Variants in ATP8B3 observed in about 807,000 individuals in gnomAD.
ATP8B3 encodes the protein ATPase phospholipid transporting 8B3.
Under a neutral mutation model 140.9 loss-of-function variants are expected in ATP8B3, and 141 were observed. That is an observed-to-expected ratio of 1.00 (90% CI 0.87 to 1.15). The LOEUF (loss-of-function observed/expected upper bound fraction) is 1.15, where lower values mean the gene tolerates loss of function less well. Ranked by LOEUF, ATP8B3 falls within the 50% of genes most tolerant of loss-of-function variation. The probability of loss-of-function intolerance (pLI) is 0.00; values close to 1 mark genes in which losing one functional copy is unlikely to be tolerated. For missense variants in ATP8B3, 1,874 were observed against 1,740.6 expected (o/e 1.08, Z -1.36); for synonymous variants, 765 against 714.6 (o/e 1.07, Z -1.13).
chr19:1,796,013 C>T (rs2068659349), intron 17 of ATP8B3, 26 bp from the exon 18 acceptor site: 4 of 1,612,450 alleles, frequency 2.5e-6, no homozygotes, highest in Non-Finnish European at 3.4e-6. Context: ...CCCTGCTGCC[C>T]ACAGAGGCTC....
rs377355473 is a variant in ATP8B3, at chr19:1,802,537, C to T, written c.1013G>A (p.Gly338Asp). The T allele has an allele frequency of 5.3e-5, 86 of 1,609,190 alleles. No homozygotes were observed. The highest frequency in any genetic ancestry group is 5.1e-5 in the Non-Finnish European group (60 of 1,179,144). ...GGTGTCTGTGTTGCGAATCCTGCAG[C>T]CTCGGAGGAGGAGGTTGCCAATGTC... ...SLDIGNLLLR[G>D]CRIRNTDTCY... Residue 338 changes from glycine to aspartate, a missense_variant, in exon 11 of 29, where the codon GGC (glycine) becomes GAC (aspartate). Transcript: ENST00000310127.
chr19:1,782,205 G>T lies in ATP8B3; in HGVS notation c.*823C>A. The T allele has an allele frequency of 3.7e-6, 1 of 272,624 alleles. No homozygotes were observed. The allele number at this position is 272,624 out of a possible 1,614,324, so 16.9% of individuals were successfully genotyped here. On this transcript the variant is annotated 3_prime_UTR_variant, in exon 29 of 29. Transcript: ENST00000310127. ...ACTGGCTGGAGCTTCTTCTTCCCAG[G>T]AAGGACATCTTCCTGATATGCCAGC...
chr19:1,796,752 C>T lies in ATP8B3; in HGVS notation c.1712G>A (p.Cys571Tyr). The change falls in exon 16 of 29, where the codon TGC (cysteine) becomes TAC (tyrosine). Residue 571 changes from cysteine to tyrosine, a missense_variant. This residue lies in a region of ATP8B3 where 1,032 missense variants were observed against 963.6 expected (regional missense o/e 1.07). Coordinates refer to ENST00000310127, the MANE Select transcript of ATP8B3 (RefSeq NM_138813.4). ...VREFWRLLAI[C>Y]HTVMVRESPR... ...GCTCTCCCGCACCATCACCGTGTGG[C>T]AGATGGCCAGCAGGCGCCAGAACTC... 7 of 1,612,132 alleles carry T rather than the reference C, an allele frequency of 4.3e-6. No homozygotes were observed. The highest frequency in any genetic ancestry group is 5.9e-6 in the Non-Finnish European group (7 of 1,179,612).
Position 1,799,943 on chromosome 19 carries a change from G to A in ATP8B3, c.1552+4C>T, listed in dbSNP as rs373331081. The A allele has an allele frequency of 1.6e-5, 25 of 1,589,552 alleles. No individual in the cohort carries two copies. Among genetic ancestry groups the A allele is most frequent in the Admixed American group, 1.7e-5 (1 of 57,166 alleles). On this transcript the variant is annotated splice_donor_region_variant and intron_variant, in intron 14 of 28. Transcript: ENST00000310127. Reference sequence around the variant, plus strand: ...AGCTGGGAGCTCAGGTGTCGGGGCCGCACCATAGACGCGGCCGCTGATGCA... The same window carrying A: ...AGCTGGGAGCTCAGGTGTCGGGGCCACACCATAGACGCGGCCGCTGATGCA...
chr19:1,783,113 C>A lies in ATP8B3; in HGVS notation c.3818G>T (p.Gly1273Val). The change falls in exon 29 of 29, where the codon GGA becomes GTA. Residue 1273 changes from glycine to valine, a missense_variant. By Grantham distance (109) the Gly-to-Val change is moderately radical. This residue lies in a region of ATP8B3 where 840 missense variants were observed against 760.9 expected (regional missense o/e 1.10). Coordinates refer to ENST00000310127, the MANE Select transcript of ATP8B3 (RefSeq NM_138813.4). The stretch of plus-strand genomic sequence containing the variant: ...TGCTATGTCACTGCTGACCCCTGGT[C>A]CCCTCCGCAGAATTGTGCCCTGAGT... ...LITQGTILRR[G>V]PGVSSDIASE... 1 of 1,613,578 alleles carries A rather than the reference C, an allele frequency of 6.2e-7. No individual in the cohort carries two copies. The highest frequency in any genetic ancestry group is 8.5e-7 in the Non-Finnish European group (1 of 1,179,790).
rs2068886604 is a variant in ATP8B3, at chr19:1,802,515, G to A, written c.1035C>T (p.Asp345=). 1 of 1,603,072 alleles carries A rather than the reference G, an allele frequency of 6.2e-7. No homozygotes were observed. The highest frequency in any genetic ancestry group is 1.4e-5 in the African/African-American group (1 of 71,748). Reference sequence around the variant, plus strand: ...CATAAATGACCAGTCCATAGCAGGTGTCTGTGTTGCGAATCCTGCAGCCTC... The same window carrying A: ...CATAAATGACCAGTCCATAGCAGGTATCTGTGTTGCGAATCCTGCAGCCTC... The part of the protein sequence containing the change: ...LLRGCRIRNT[D]TCYGLVIYAG... Residue 345 remains aspartate (D), a synonymous_variant, in exon 11 of 29, where the codon GAC becomes GAT. Transcript: ENST00000310127.
chr19:1,797,968 G>T (rs1049515144), intron 14 of ATP8B3, among the ~76,000 whole-genome samples: 1 of 151,662 alleles, frequency 6.6e-6, no homozygotes, highest in Non-Finnish European at 1.5e-5. Flanking sequence ...CCCCTTTGTG[G>T]TGTCTTTTGT....
intron 10 of ATP8B3, among the ~76,000 whole-genome samples, chr19:1,804,666 A>C (rs535243886): frequency 5.5e-4 from 84 of 151,674 alleles, no homozygotes; most frequent in African/African-American, 1.8e-3. Flanking sequence ...ATTAGCTGGG[A>C]GTGGTGGCAC....
Position 1,805,833 on chromosome 19 carries a change from C to A in ATP8B3, c.821+55G>T. 6.2e-7 allele frequency: 1 copy of A among 1,604,098 alleles called. No individual in the cohort carries two copies. ...CCTTGGTGACTGGGGAAGGGGGCTC[C>A]TCCGGGCCATGCTCCCCACCCCCCA... On this transcript the variant is annotated intron_variant, in intron 9 of 28. Transcript: ENST00000310127. The surrounding 1 kb of genome is among the most constrained non-coding windows in gnomAD (Gnocchi z 5.2).
rs528353563 is a variant in ATP8B3, at chr19:1,782,367, C to G, written c.*661G>C. 5 of 261,786 alleles carry G rather than the reference C, an allele frequency of 1.9e-5. No individual in the cohort carries two copies. In the East Asian group the frequency reaches 3.1e-4, roughly 16 times the overall value. The allele number at this position is 261,786 out of a possible 1,614,324, so 16.2% of individuals were successfully genotyped here. A position where few individuals can be genotyped will look rare whatever the true frequency, so the allele number is the denominator to read the frequency against. On this transcript the variant is annotated 3_prime_UTR_variant, in exon 29 of 29. Coordinates refer to ENST00000310127, the MANE Select transcript of ATP8B3 (RefSeq NM_138813.4). Reference sequence around the variant, plus strand: ...GGGGGCAAGGATAGCTGCTCCTCCCCGGGCACCAGCAGCCACTCCATGGAT... The same window carrying G: ...GGGGGCAAGGATAGCTGCTCCTCCCGGGGCACCAGCAGCCACTCCATGGAT...
At chr19:1,803,397 A>G (rs758273370) in intron 10 of ATP8B3, among the ~76,000 whole-genome samples, 2 of 152,166 alleles carry the variant, frequency 1.3e-5, no homozygotes, top group Non-Finnish European at 2.9e-5. Flanking sequence ...GGACGGCCAG[A>G]GGGCAGAGAA....
rs757628037 is a variant in ATP8B3, at chr19:1,810,694, G to A, written c.249-11C>T. ...CCCATGCTGGTGGGGCTGTGGGAGAGAAGGGCCCCGGGTCACAGCAGTGAC... is the reference window on the plus strand; with the variant it reads ...CCCATGCTGGTGGGGCTGTGGGAGAAAAGGGCCCCGGGTCACAGCAGTGAC... On this transcript the variant is annotated splice_polypyrimidine_tract_variant and intron_variant, in intron 2 of 28. Transcript: ENST00000310127. 1.1e-5 allele frequency: 17 copies of A among 1,610,548 alleles called. No homozygotes were observed. Among genetic ancestry groups the A allele is most frequent in the Non-Finnish European group, 1.4e-5 (16 of 1,178,916 alleles).
Position 1,800,831 on chromosome 19 carries a change from A to G in ATP8B3, c.1153-382T>C, listed in dbSNP as rs201252063. ...AGATAGAAAAACTTTTTTTTTTTTA[A>G]TTTTTTTTTTTTTTTGAGACAGAGT... On this transcript the variant is annotated intron_variant, in intron 12 of 28. Transcript: ENST00000310127. This position sits in a 1 kb window ranked among gnomAD's most constrained non-coding sequence, Gnocchi z 4.4. Among the ~76,000 whole-genome samples, 6 of 136,210 alleles carry G rather than the reference A, an allele frequency of 4.4e-5. No homozygotes were observed. The highest frequency in any genetic ancestry group is 1.5e-4 in the Admixed American group (2 of 13,426). The allele number at this position is 136,210 out of a possible 152,430, so 89.4% of individuals were successfully genotyped here.
At position 1,806,601 on chromosome 19, in the gene ATP8B3, G is replaced by T; in HGVS notation, c.677+27C>A. 6.4e-7 allele frequency: 1 copy of T among 1,552,078 alleles called. No homozygotes were observed. On this transcript the variant is annotated intron_variant, in intron 7 of 28. Transcript: ENST00000310127. The surrounding 1 kb of genome is among the most constrained non-coding windows in gnomAD (Gnocchi z 5.6). ...GGGCTGGAGCCCCCGTGTCCCCGCG[G>T]ATCCCCAGCTGCAGCCCCAGCCTCA...
Position 1,789,549 on chromosome 19 carries a change from C to G in ATP8B3, c.2657G>C (p.Arg886Thr). The change falls in exon 23 of 29, where the codon AGA (arginine) becomes ACA (threonine). Residue 886 changes from arginine to threonine, a missense_variant. Arg to Thr is a moderately conservative substitution (Grantham distance 71, BLOSUM62 -1). This residue lies in a region of ATP8B3 where 840 missense variants were observed against 760.9 expected (regional missense o/e 1.10). Coordinates refer to ENST00000310127, the MANE Select transcript of ATP8B3 (RefSeq NM_138813.4). ...CAGCACCTCGGAGCTACGGCGGGCT[C>G]TGGAGTCCTGGGCTGGCGGTGCAGC... is the stretch of plus-strand genomic sequence containing the variant. ...PLAAPPAQDS[R>T]ARRSSEVLQE... 1 of 1,596,506 alleles carries G rather than the reference C, an allele frequency of 6.3e-7. No homozygotes were observed. The highest frequency in any genetic ancestry group is 8.5e-7 in the Non-Finnish European group (1 of 1,177,850).
rs1447523243 is a variant in ATP8B3, at chr19:1,799,461, G to C, written c.1552+486C>G. 7 of 202,518 alleles carry C rather than the reference G, an allele frequency of 3.5e-5. No individual in the cohort carries two copies. In the East Asian group the frequency reaches 7.7e-4, roughly 22 times the overall value. 12.5% of individuals were successfully genotyped at this position (202,518 alleles called of 1,614,324 possible). On this transcript the variant is annotated intron_variant, in intron 14 of 28. Coordinates refer to ENST00000310127, the MANE Select transcript of ATP8B3 (RefSeq NM_138813.4). ...GCAACGAGAGCAAAACTCCGTCTCA[G>C]AGAGAAAAAAAAAAAAAAAGTCGGC...
intron 16 of ATP8B3, 56 bp from the exon 17 acceptor site, chr19:1,796,321 A>C: frequency 1.4e-6 from 2 of 1,452,008 alleles, no homozygotes; most frequent in Non-Finnish European, 1.9e-6. Flanking sequence ...CTCCATCTCC[A>C]CAGTGCAGGG....
In ATP8B3 at chr19:1,800,498, C is replaced by A; in HGVS notation, c.1153-49G>T. On this transcript the variant is annotated intron_variant, in intron 12 of 28. Transcript: ENST00000310127. The surrounding 1 kb of genome is among the most constrained non-coding windows in gnomAD (Gnocchi z 4.4). ...GGGTGAGGGGGGCGGGGGTCCCCCA[C>A]TCTGCCATCAGGATGGGGTAAACAC... The A allele has an allele frequency of 6.5e-7, 1 of 1,534,134 alleles. No individual in the cohort carries two copies. The highest frequency in any genetic ancestry group is 8.9e-7 in the Non-Finnish European group (1 of 1,118,898).
Position 1,806,487 on chromosome 19 carries a change from T to C in ATP8B3, c.677+141A>G. The C allele has an allele frequency of 9.4e-6, 14 of 1,483,832 alleles. No homozygotes were observed. Among genetic ancestry groups the C allele is most frequent in the Non-Finnish European group, 1.2e-5 (14 of 1,120,446 alleles). 91.9% of individuals were successfully genotyped at this position (1,483,832 alleles called of 1,614,324 possible). On this transcript the variant is annotated intron_variant, in intron 7 of 28. Transcript: ENST00000310127. The surrounding 1 kb of genome is among the most constrained non-coding windows in gnomAD (Gnocchi z 5.6). ...TCGTCCCGGCCAAACGCCTAATGAATGCAGGCCCGGTTCCTGTCGGACTCA... is the reference window on the plus strand; with the variant it reads ...TCGTCCCGGCCAAACGCCTAATGAACGCAGGCCCGGTTCCTGTCGGACTCA...
Sources: gnomAD v4.1 joint callset for allele counts (sites outside exome capture counted in the v4.1 genomes callset) on GRCh38, gnomAD v4.1.1 for gene constraint, gnomAD v4.1.1 regional missense constraint, Gnocchi (gnomAD v3.1) non-coding constraint, MANE v1.5 for transcripts, NCBI Gene and HGNC (gene_info 2026-07-23, HGNC 2026-07-21) for gene names.